Variants in PDE4DIP observed in about 807,000 individuals in gnomAD.
PDE4DIP encodes the protein myomegalin.
PDE4DIP carries 59 observed loss-of-function variants against 221.4 expected under a neutral mutation model. The observed-to-expected ratio is 0.27, with a 90% confidence interval of 0.22 to 0.33. PDE4DIP has a LOEUF of 0.33. Ranked by LOEUF, PDE4DIP falls within the 10% of genes least tolerant of loss-of-function variation. PDE4DIP has a pLI of 1.00. For synonymous variants in PDE4DIP, 404 were observed against 815.9 expected, an observed-to-expected ratio of 0.50 and a Z score of 8.60; for missense variants, 1,036 against 2,154.2, an observed-to-expected ratio of 0.48 and a Z score of 10.28.
At chr1:149,021,670 G>A (rs1162393120) in intron 37 of PDE4DIP, 1 of 150,280 alleles carries the variant, frequency 6.7e-6, no homozygotes, top group Non-Finnish European at 1.5e-5. Flanking sequence ...GGCTTACCAG[G>A]CTGGGCGAAT....
In PDE4DIP at chr1:149,014,971, C is replaced by G. The variant is rs587737377; in HGVS notation, c.5267-1328C>G. On this transcript the variant is annotated intron_variant, in intron 32 of 43. Transcript: ENST00000369354. ...ACTATCTGCAACCACTGATTTCTCC[C>G]TTTGCCTTGTGTTCGGATGGGGTTG... Among the ~76,000 whole-genome samples the G allele has an allele frequency of 1.1e-3, 172 of 151,898 alleles. 1 individual carries two copies. Among genetic ancestry groups the G allele is most frequent in the African/African-American group, 3.9e-3 (160 of 41,512 alleles).
intron 21 of PDE4DIP, chr1:148,984,833 C>G (rs1553547691): frequency 1.3e-5 from 2 of 152,200 alleles, no homozygotes; most frequent in South Asian, 4.1e-4. Flanking sequence ...TTAGAAAACT[C>G]TAGTTCCCAT....
At chr1:149,013,791 T>TTTTCCCA (rs1425112186) in intron 32 of PDE4DIP, among the ~76,000 whole-genome samples, 5 of 96,794 alleles carry the variant, frequency 5.2e-5, no homozygotes, top group Non-Finnish European at 1.0e-4. Context: ...CTTTTTTTTT[T>TTTTCCCA]TTTTTTTTTT....
At chr1:148,820,714 TGG>T (rs782006342) in intron 1 of PDE4DIP, among the ~76,000 whole-genome samples, 48 of 139,878 alleles carry the variant, frequency 3.4e-4, no homozygotes, top group African/African-American at 8.7e-4. Context: ...ACTTTTTTTT[TGG>T]GGGGGGGGTG....
chr1:148,975,970 C>A (rs1574715391), intron 17 of PDE4DIP, among the ~76,000 whole-genome samples: 1 of 151,688 alleles, frequency 6.6e-6, no homozygotes, highest in East Asian at 2.0e-4. Flanking sequence ...TGTTTTATGA[C>A]TCAATTAGTT....
exon 30 of PDE4DIP, chr1:149,009,769 G>A (rs782809078): frequency 3.1e-6 from 5 of 1,609,534 alleles, no homozygotes; most frequent in Non-Finnish European, 4.3e-6. Context: ...ATGAAGAGAA[G>A]AAAGCTTCTC....
intron 43 of PDE4DIP, 82 bp downstream of exon 46, chr1:149,030,360 C>G (rs1699758): frequency 5.6e-5 from 87 of 1,550,022 alleles, no homozygotes; most frequent in Non-Finnish European, 6.9e-5. Context: ...TGTAGGTGAC[C>G]CTTGGCCTGC....
At chr1:149,016,376 A>C in exon 33 of PDE4DIP, 1 of 1,253,374 alleles carries the variant, frequency 8.0e-7, no homozygotes. Context: ...CTACTACCTC[A>C]ACTCTGCCCA....
intron 1 of PDE4DIP, among the ~76,000 whole-genome samples, chr1:148,927,376 G>A (rs2046954356): frequency 6.6e-6 from 1 of 151,986 alleles, no homozygotes; most frequent in African/African-American, 2.4e-5. Context: ...GATCTAAAAT[G>A]CCTTGAGTCC....
chr1:148,987,322 A>G (rs1215845894), intron 21 of PDE4DIP, among the ~76,000 whole-genome samples: 1 of 152,202 alleles, frequency 6.6e-6, no homozygotes, highest in Non-Finnish European at 1.5e-5. Context: ...TAGTTTTCTT[A>G]TGATCCTGAA....
At chr1:149,010,187 G>A (rs1422000400) in intron 30 of PDE4DIP, among the ~76,000 whole-genome samples, 2 of 152,172 alleles carry the variant, frequency 1.3e-5, no homozygotes, top group Non-Finnish European at 2.9e-5. Context: ...CACAGATGCT[G>A]CTAGTCTTGC....
At chr1:148,915,235 C>A (rs587625174) in intron 1 of PDE4DIP, among the ~76,000 whole-genome samples, 1 of 152,120 alleles carries the variant, frequency 6.6e-6, no homozygotes, top group Admixed American at 6.5e-5. Flanking sequence ...ACAACCTCTG[C>A]CTCCTGGGTT....
intron 32 of PDE4DIP, among the ~76,000 whole-genome samples, chr1:149,013,966 T>G (rs1420621980): frequency 2.0e-5 from 3 of 151,986 alleles, no homozygotes; most frequent in African/African-American, 7.2e-5. Flanking sequence ...TTTTGTATTT[T>G]TTGTAGAGAC....
intron 4 of PDE4DIP, among the ~76,000 whole-genome samples, chr1:148,933,585 T>G (rs633385): frequency 6.7e-4 from 97 of 144,754 alleles, no homozygotes; most frequent in Non-Finnish European, 7.7e-4. Flanking sequence ...GGCAAATAAT[T>G]TAGCCTCTTA....
chr1:148,991,548 A>C lies in PDE4DIP; in HGVS notation c.2816-337A>C, dbSNP rs1201553308. On this transcript the variant is annotated intron_variant, in intron 21 of 43. Coordinates refer to ENST00000369354, the Ensembl canonical transcript of PDE4DIP. ...GTTGGACTCATATTATGGAAGAGAA[A>C]GTTTTTATGTAGCCAGGCAGTGGGG... The C allele has an allele frequency of 4.1e-6, 4 of 984,612 alleles. No homozygotes were observed. In the African/African-American group the frequency reaches 7.0e-5, roughly 17 times the overall value. 61.0% of individuals were successfully genotyped at this position (984,612 alleles called of 1,614,324 possible).
intron 21 of PDE4DIP, chr1:148,985,906 C>T (rs1193888726): frequency 6.6e-6 from 1 of 152,142 alleles, no homozygotes; most frequent in Non-Finnish European, 1.5e-5. Context: ...TAGTATATAA[C>T]ATGAATATGT....
chr1:148,828,679 C>A, intron 1 of PDE4DIP, among the ~76,000 whole-genome samples: 1 of 150,914 alleles, frequency 6.6e-6, no homozygotes, highest in Middle Eastern at 3.4e-3. Context: ...ACCCCCTTTC[C>A]AGAAATTTAC....
chr1:149,014,070 G>A (rs1240136607), intron 32 of PDE4DIP, among the ~76,000 whole-genome samples: 1 of 151,632 alleles, frequency 6.6e-6, no homozygotes, highest in Non-Finnish European at 1.5e-5. Context: ...TTACAGGTAT[G>A]AGCCACTGCA....
intron 21 of PDE4DIP, chr1:148,983,515 A>G (rs1455465001): frequency 1.3e-5 from 2 of 152,538 alleles, no homozygotes; most frequent in Non-Finnish European, 2.9e-5. Flanking sequence ...GCTTGCAAAC[A>G]GTGTTATCTG....
Sources: allele counts gnomAD v4.1 joint callset (sites outside exome capture counted in the v4.1 genomes callset), GRCh38; gene constraint gnomAD v4.1.1; transcripts MANE v1.5; gene names NCBI Gene and HGNC (gene_info 2026-07-23, HGNC 2026-07-21).